Variants in PTBP3 observed in about 807,000 individuals in gnomAD.
PTBP3 encodes the protein polypyrimidine tract binding protein 3.
PTBP3 carries 20 observed loss-of-function variants against 58.7 expected under a neutral mutation model. The ratio of observed to expected loss-of-function variants is 0.34; its 90% CI spans 0.24 to 0.50. PTBP3 has a LOEUF of 0.50. Ranked by LOEUF, PTBP3 falls within the 20% of genes least tolerant of loss-of-function variation. PTBP3 has a pLI of 0.98. For synonymous variants in PTBP3, 185 were observed against 219.8 expected, an observed-to-expected ratio of 0.84 and a Z score of 1.40; for missense variants, 509 against 637.2, an observed-to-expected ratio of 0.80 and a Z score of 2.17.
chr9:112,353,455 A>G, the PTBP3 span, among the ~76,000 whole-genome samples: 1 of 144,632 alleles, frequency 6.9e-6, no homozygotes, highest in Non-Finnish European at 1.5e-5. Context: ...CATGTTGGCC[A>G]GGCTTGTCTC....
intron 1 of PTBP3, among the ~76,000 whole-genome samples, chr9:112,332,106 TTCAA>T (rs754595921): frequency 4.5e-4 from 68 of 152,262 alleles, no homozygotes; most frequent in African/African-American, 9.9e-4. Flanking sequence ...TCGAAGAAAC[TTCAA>T]TCAAACAATA....
At chr9:112,372,882 T>C in the PTBP3 span, among the ~76,000 whole-genome samples, 13 of 152,168 alleles carry the variant, frequency 8.5e-5, no homozygotes, top group African/African-American at 3.1e-4. Flanking sequence ...ACGTACTTCC[T>C]TGAATTCATA....
At chr9:112,298,001 A>AT in intron 1 of PTBP3, 85 bp from the exon 2 acceptor site, 1 of 1,103,068 alleles carries the variant, frequency 9.1e-7, no homozygotes, top group South Asian at 1.4e-5. Context: ...AGCTAATAAT[A>AT]TTACTTCATC....
At chr9:112,350,892 T>C in the PTBP3 span, among the ~76,000 whole-genome samples, 14 of 152,198 alleles carry the variant, frequency 9.2e-5, no homozygotes, top group South Asian at 2.9e-3. Context: ...TCCGCCTCCT[T>C]GGTTCAAGTG....
chr9:112,289,131 G>A (rs940613278), intron 2 of PTBP3, among the ~76,000 whole-genome samples: 13 of 152,126 alleles, frequency 8.5e-5, no homozygotes, highest in East Asian at 5.8e-4. Flanking sequence ...AAAATGATAC[G>A]CGCTGCTTTT....
chr9:112,220,261 C>T lies in PTBP3; in HGVS notation c.*3590G>A, dbSNP rs757430490. The T allele has an allele frequency of 1.1e-4, 141 of 1,341,712 alleles. No individual in the cohort carries two copies. Among genetic ancestry groups the T allele is most frequent in the Non-Finnish European group, 1.3e-4 (128 of 1,017,290 alleles). The allele number at this position is 1,341,712 out of a possible 1,614,324, so 83.1% of individuals were successfully genotyped here. A position where few individuals can be genotyped will look rare whatever the true frequency, so the allele number is the denominator to read the frequency against. On this transcript the variant is annotated 3_prime_UTR_variant, in exon 14 of 14. Transcript: ENST00000374257. ...ATGTAAGCACTGCTGACTGATGGCA[C>T]GGAGACACTGAAAAGAACAGAGAGC... is the stretch of plus-strand genomic sequence containing the variant.
intron 5 of PTBP3, among the ~76,000 whole-genome samples, chr9:112,256,346 A>T (rs12348494): frequency 6.8e-6 from 1 of 146,740 alleles, no homozygotes; most frequent in Admixed American, 6.9e-5. Context: ...ACTGTACTAT[A>T]TATTTATTTA....
At chr9:112,291,332 T>G (rs895640997) in intron 2 of PTBP3, among the ~76,000 whole-genome samples, 1 of 151,136 alleles carries the variant, frequency 6.6e-6, no homozygotes, top group Non-Finnish European at 1.5e-5. Flanking sequence ...GCAATCCTTA[T>G]CAAAATCCCA....
intron 2 of PTBP3, among the ~76,000 whole-genome samples, chr9:112,279,921 T>C (rs964211960): frequency 3.3e-5 from 5 of 152,234 alleles, no homozygotes; most frequent in African/African-American, 4.8e-5. Context: ...CACTTTTAAA[T>C]TTTTTGTCAT....
intron 3 of PTBP3, among the ~76,000 whole-genome samples, chr9:112,268,570 G>C (rs1283941240): frequency 6.6e-6 from 1 of 150,988 alleles, no homozygotes; most frequent in Non-Finnish European, 1.5e-5. Context: ...GTGGCACATG[G>C]CTGTGGTCCC....
intron 1 of PTBP3, among the ~76,000 whole-genome samples, chr9:112,312,749 C>T (rs1045159122): frequency 2.0e-5 from 3 of 151,788 alleles, no homozygotes; most frequent in South Asian, 2.1e-4. Context: ...AAAAAATAAA[C>T]TGTTAAAAAG....
intron 1 of PTBP3, among the ~76,000 whole-genome samples, chr9:112,300,015 C>A (rs145697225): frequency 2.8e-4 from 42 of 152,052 alleles, no homozygotes; most frequent in Non-Finnish European, 5.0e-4. Context: ...GATATTTGAC[C>A]GCATCCTCAT....
chr9:112,351,469 T>C, the PTBP3 span, among the ~76,000 whole-genome samples: 1 of 152,232 alleles, frequency 6.6e-6, no homozygotes, highest in Non-Finnish European at 1.5e-5. Context: ...GTCTGTCAAT[T>C]TTCTTCACTC....
chr9:112,340,054 T>G, the PTBP3 span, among the ~76,000 whole-genome samples: 12 of 152,150 alleles, frequency 7.9e-5, no homozygotes, highest in Admixed American at 7.9e-4. Flanking sequence ...AGCCTCAACC[T>G]TCCAGGCTCA....
At chr9:112,329,909 C>A (rs988592138) in intron 1 of PTBP3, among the ~76,000 whole-genome samples, 2 of 149,804 alleles carry the variant, frequency 1.3e-5, no homozygotes, top group Admixed American at 6.7e-5. Flanking sequence ...TGCAGTGACA[C>A]GGTCACACTC....
At chr9:112,333,663 C>T (rs1028416176), upstream of PTBP3, 11 of 536,214 alleles carry the variant, frequency 2.1e-5, no homozygotes, top group African/African-American at 2.0e-4. Flanking sequence ...CACCGCCGCG[C>T]CCCCGCCTTC....
chr9:112,359,469 G>A, the PTBP3 span, among the ~76,000 whole-genome samples: 1 of 151,454 alleles, frequency 6.6e-6, no homozygotes, highest in Admixed American at 6.6e-5. Flanking sequence ...AGTTTTAGAT[G>A]TAAACGTGGA....
chr9:112,341,202 GC>G, the PTBP3 span, among the ~76,000 whole-genome samples: 1 of 152,068 alleles, frequency 6.6e-6, no homozygotes. Flanking sequence ...TGTGAGCTCG[GC>G]CCACTGCAAC....
chr9:112,281,606 C>A (rs1827871300), intron 2 of PTBP3, among the ~76,000 whole-genome samples: 1 of 152,162 alleles, frequency 6.6e-6, no homozygotes, highest in Non-Finnish European at 1.5e-5. Flanking sequence ...CCTTTATATT[C>A]TGTACAGTCT....
Sources: gnomAD v4.1 joint callset for allele counts (sites outside exome capture counted in the v4.1 genomes callset) on GRCh38, gnomAD v4.1.1 for gene constraint, MANE v1.5 for transcripts, NCBI Gene and HGNC (gene_info 2026-07-23, HGNC 2026-07-21) for gene names.